SLC44A5: variants seen among roughly 807,000 people sequenced by gnomAD.
SLC44A5 encodes the protein solute carrier family 44 member 5.
Under a neutral mutation model 101.8 loss-of-function variants are expected in SLC44A5, and 57 were observed. The observed-to-expected ratio is 0.56, with a 90% CI of 0.45 to 0.70. SLC44A5 has a LOEUF of 0.70. Among genes scored for constraint, SLC44A5 ranks in the 30% least tolerant of loss-of-function variants. The pLI, the probability that SLC44A5 is intolerant of heterozygous loss-of-function variation, is 0.00. For synonymous variants in SLC44A5, 281 were observed against 290.9 expected (o/e 0.97, Z 0.35); for missense variants, 737 against 853.1 (o/e 0.86, Z 1.70).
the SLC44A5 span, among the ~76,000 whole-genome samples, chr1:75,691,874 T>C: frequency 1.2e-4 from 19 of 152,326 alleles, no homozygotes; most frequent in African/African-American, 4.6e-4. Flanking sequence ...CATGATCTTA[T>C]CTAAACCTAA....
chr1:75,541,011 C>T (rs551514100), intron 2 of SLC44A5, among the ~76,000 whole-genome samples: 46 of 152,178 alleles, frequency 3.0e-4, no homozygotes, highest in Middle Eastern at 3.4e-3. Context: ...TGTCTCAATA[C>T]GAGAAAGGGG....
chr1:75,422,478 T>C (rs1664067715), intron 2 of SLC44A5, among the ~76,000 whole-genome samples: 1 of 152,224 alleles, frequency 6.6e-6, no homozygotes, highest in Non-Finnish European at 1.5e-5. Flanking sequence ...TCAAAATATT[T>C]GTGTAGATAA....
intron 6 of SLC44A5, among the ~76,000 whole-genome samples, chr1:75,272,760 A>G (rs1458320139): frequency 6.6e-6 from 1 of 152,020 alleles, no homozygotes; most frequent in African/African-American, 2.4e-5. Flanking sequence ...GCCTATTTTT[A>G]TATCAGTACC....
intron 2 of SLC44A5, among the ~76,000 whole-genome samples, chr1:75,423,221 T>A (rs1288154505): frequency 2.0e-5 from 3 of 152,196 alleles, no homozygotes; most frequent in Non-Finnish European, 4.4e-5. Flanking sequence ...ATTTCATACA[T>A]ACACCGTGAA....
intron 2 of SLC44A5, among the ~76,000 whole-genome samples, chr1:75,531,812 T>C (rs1431812772): frequency 1.3e-5 from 2 of 152,224 alleles, no homozygotes; most frequent in Admixed American, 6.5e-5. Flanking sequence ...ATGATAGACA[T>C]TTATTAAACC....
intron 1 of SLC44A5, among the ~76,000 whole-genome samples, chr1:75,564,977 T>A (rs1252517427): frequency 6.6e-6 from 1 of 152,168 alleles, no homozygotes; most frequent in East Asian, 1.9e-4. Flanking sequence ...TGCAGGTTTG[T>A]TACACAGATA....
chr1:75,634,902 T>C, the SLC44A5 span, among the ~76,000 whole-genome samples: 2 of 152,002 alleles, frequency 1.3e-5, no homozygotes, highest in Non-Finnish European at 2.9e-5. Flanking sequence ...TTTTCGCAAC[T>C]TACTCATCTG....
chr1:75,227,552 T>G (rs1401175217), intron 13 of SLC44A5, among the ~76,000 whole-genome samples, 174 bp downstream of exon 13: 1 of 152,130 alleles, frequency 6.6e-6, no homozygotes, highest in Non-Finnish European at 1.5e-5. Context: ...ATACAATAAA[T>G]TTTCCTCAAT....
intron 2 of SLC44A5, among the ~76,000 whole-genome samples, chr1:75,422,704 A>G (rs1490405929): frequency 6.6e-6 from 1 of 152,200 alleles, no homozygotes; most frequent in Admixed American, 6.5e-5. Context: ...AGTTGCAAAA[A>G]ACCTTGATTG....
chr1:75,586,864 G>T (rs958323903), intron 1 of SLC44A5, among the ~76,000 whole-genome samples: 8 of 151,840 alleles, frequency 5.3e-5, no homozygotes, highest in Admixed American at 5.3e-4. Flanking sequence ...GCATGAAATA[G>T]AGTAAATTAC....
the SLC44A5 span, among the ~76,000 whole-genome samples, chr1:75,705,742 A>G: frequency 6.6e-6 from 1 of 152,096 alleles, no homozygotes; most frequent in Non-Finnish European, 1.5e-5. Flanking sequence ...CAGTGGTGCA[A>G]TCTCGGCTCA....
intron 4 of SLC44A5, among the ~76,000 whole-genome samples, chr1:75,334,859 T>A (rs1657318895): frequency 6.6e-6 from 1 of 152,198 alleles, no homozygotes. Flanking sequence ...TATCCTCTGA[T>A]CACCCCTGGA....
intron 3 of SLC44A5, among the ~76,000 whole-genome samples, chr1:75,374,758 C>T (rs1292674341): frequency 1.3e-5 from 2 of 152,128 alleles, no homozygotes; most frequent in African/African-American, 2.4e-5. Context: ...AACTGAGGAA[C>T]TCTACACAGC....
the SLC44A5 span, among the ~76,000 whole-genome samples, chr1:75,662,383 G>A: frequency 6.6e-6 from 1 of 151,894 alleles, no homozygotes; most frequent in Admixed American, 6.6e-5. Flanking sequence ...TATGAAGAGG[G>A]GTTGGATAAT....
chr1:75,378,104 G>T lies in SLC44A5; in HGVS notation c.52+18479C>A, dbSNP rs543306550. 2.4e-5 allele frequency among the ~76,000 whole-genome samples: 2 copies of T among 81,752 alleles called. 1 individual carries two copies. Among genetic ancestry groups the T allele is most frequent in the African/African-American group, 1.6e-4 (2 of 12,460 alleles). 53.6% of individuals were successfully genotyped at this position (81,752 alleles called of 152,430 possible). ...CTCTAGGGTGAAGGTACGCTCGAGC[G>T]TGGTCATTGAGGACAAGTCGACGAG... On this transcript the variant is annotated intron_variant, in intron 3 of 23. Transcript: ENST00000370859.
chr1:75,390,830 G>T (rs1661736758), intron 3 of SLC44A5, among the ~76,000 whole-genome samples: 1 of 152,094 alleles, frequency 6.6e-6, no homozygotes, highest in Admixed American at 6.6e-5. Flanking sequence ...TATAGTACTG[G>T]AAGTCCTAGC....
At chr1:75,444,052 C>T (rs1368334651) in intron 2 of SLC44A5, among the ~76,000 whole-genome samples, 2 of 151,924 alleles carry the variant, frequency 1.3e-5, no homozygotes, top group Non-Finnish European at 2.9e-5. Context: ...CATGGTGGCT[C>T]ATGCCTGTAA....
chr1:75,615,807 G>A (rs190935021), upstream of SLC44A5: 229 of 956,926 alleles, frequency 2.4e-4, 3 homozygotes, highest in East Asian at 0.017. Context: ...GGCAGAGGGC[G>A]GGTGAGAGAG....
chr1:75,310,844 T>A (rs191397780), intron 4 of SLC44A5, among the ~76,000 whole-genome samples: 239 of 152,222 alleles, frequency 1.6e-3, no homozygotes, highest in Admixed American at 3.7e-3. Flanking sequence ...AACAGCAAAA[T>A]AGCAAGTAGT....
Sources: gnomAD v4.1 joint callset for allele counts (sites outside exome capture counted in the v4.1 genomes callset) on GRCh38, gnomAD v4.1.1 for gene constraint, MANE v1.5 for transcripts, NCBI Gene and HGNC (gene_info 2026-07-23, HGNC 2026-07-21) for gene names.